The following NCAM1 variants were observed in gnomAD, a reference collection of about 807,000 sequenced individuals.
NCAM1 encodes neural cell adhesion molecule 1.
Under a neutral mutation model 109.8 loss-of-function variants are expected in NCAM1, and 14 were observed. The observed-to-expected ratio is 0.13, with a 90% confidence interval of 0.08 to 0.20. NCAM1 has a LOEUF of 0.20. NCAM1 is among the 10% of genes least tolerant of loss of function. The pLI is 1.00. For synonymous variants in NCAM1, 418 were observed against 442.9 expected (o/e 0.94, Z 0.70); for missense variants, 774 against 1,109.9 (o/e 0.70, Z 4.30).
chr11:113,249,796 G>T (rs760046080), intron 15 of NCAM1, among the ~76,000 whole-genome samples: 13 of 152,158 alleles, frequency 8.5e-5, no homozygotes, highest in Non-Finnish European at 1.6e-4. Flanking sequence ...TATTTTTGTG[G>T]TTCAGTCTGT....
At chr11:113,043,547 G>A (rs1953152249) in intron 1 of NCAM1, among the ~76,000 whole-genome samples, 1 of 152,150 alleles carries the variant, frequency 6.6e-6, no homozygotes, top group Non-Finnish European at 1.5e-5. Context: ...ATGTTGGCCA[G>A]GCTGGTCTCG....
intron 17 of NCAM1, chr11:113,263,442 A>C (rs781828155): frequency 1.6e-4 from 157 of 986,158 alleles, no homozygotes; most frequent in Non-Finnish European, 1.9e-4. Context: ...GCCAGACCGC[A>C]CTGATTCACA....
At chr11:113,130,673 GT>G (rs1941352062) in intron 1 of NCAM1, 1 of 152,126 alleles carries the variant, frequency 6.6e-6, no homozygotes, top group South Asian at 2.1e-4. Context: ...TCTGTTAGTA[GT>G]TTGTAAGCAA....
At chr11:112,984,891 G>A (rs996458432) in intron 1 of NCAM1, among the ~76,000 whole-genome samples, 3 of 151,650 alleles carry the variant, frequency 2.0e-5, no homozygotes, top group Admixed American at 6.6e-5. Flanking sequence ...GTGCAGGAAC[G>A]TTTTAGTTTG....
chr11:113,186,792 C>T (rs1943521388), intron 1 of NCAM1, among the ~76,000 whole-genome samples: 1 of 152,210 alleles, frequency 6.6e-6, no homozygotes, highest in African/African-American at 2.4e-5. Context: ...TAGCAATAGC[C>T]TCTGAGTTCA....
At chr11:113,049,629 T>G (rs547364780) in intron 1 of NCAM1, among the ~76,000 whole-genome samples, 21 of 152,318 alleles carry the variant, frequency 1.4e-4, no homozygotes, top group Non-Finnish European at 2.6e-4. Flanking sequence ...TAGTTTCAGC[T>G]TGAGTTTCCT....
chr11:113,050,554 C>T (rs1220168956), intron 1 of NCAM1, among the ~76,000 whole-genome samples: 1 of 151,932 alleles, frequency 6.6e-6, no homozygotes, highest in Non-Finnish European at 1.5e-5. Context: ...ATTTTTATAC[C>T]AGTACCATGC....
intron 9 of NCAM1, among the ~76,000 whole-genome samples, chr11:113,223,210 C>T (rs1412743102): frequency 6.6e-6 from 1 of 152,148 alleles, no homozygotes; most frequent in African/African-American, 2.4e-5. Flanking sequence ...TGGTAGGTGG[C>T]ACACCCTGAA....
chr11:113,148,262 C>T (rs1203730960), intron 1 of NCAM1, among the ~76,000 whole-genome samples: 2 of 152,042 alleles, frequency 1.3e-5, no homozygotes, highest in South Asian at 2.1e-4. Context: ...TTAGGATGCT[C>T]ATGTCGCCAT....
chr11:113,014,197 T>TA (rs1348225924), intron 1 of NCAM1, among the ~76,000 whole-genome samples: 1 of 152,202 alleles, frequency 6.6e-6, no homozygotes, highest in Non-Finnish European at 1.5e-5. Context: ...TTTTAGAATA[T>TA]AAAATGCAAT....
intron 1 of NCAM1, among the ~76,000 whole-genome samples, 174 bp downstream of exon 1, chr11:112,961,838 C>T (rs1950572091): frequency 6.6e-6 from 1 of 152,162 alleles, no homozygotes; most frequent in African/African-American, 2.4e-5. Flanking sequence ...ACCCCGCTCC[C>T]TCCAGGGCTG....
At chr11:113,007,885 A>G (rs1951929457) in intron 1 of NCAM1, among the ~76,000 whole-genome samples, 1 of 152,238 alleles carries the variant, frequency 6.6e-6, no homozygotes, top group Non-Finnish European at 1.5e-5. Flanking sequence ...GGTTAGAGAT[A>G]CTGAATGAAC....
In NCAM1 at chr11:113,225,477, G is replaced by T. The variant is rs188800859; in HGVS notation, c.1089+4152G>T. ...CTGATTGGTGTACCTGAAAGTGACG[G>T]GGAGAATGGAACCAAGTTGGAAAAC... On this transcript the variant is annotated intron_variant, in intron 9 of 19. Transcript: ENST00000316851. Among the ~76,000 whole-genome samples the T allele has an allele frequency of 3.5e-3, 527 of 152,306 alleles. 7 individuals are homozygous for T. The highest frequency in any genetic ancestry group is 0.012 in the African/African-American group (505 of 41,584).
At chr11:113,216,929 C>T (rs917454794) in intron 8 of NCAM1, among the ~76,000 whole-genome samples, 1 of 152,176 alleles carries the variant, frequency 6.6e-6, no homozygotes, top group East Asian at 1.9e-4. Flanking sequence ...CTTTGGCAGC[C>T]TCTCCTCATG....
chr11:113,195,658 A>G (rs1943833164), intron 1 of NCAM1, among the ~76,000 whole-genome samples: 1 of 151,504 alleles, frequency 6.6e-6, no homozygotes, highest in Non-Finnish European at 1.5e-5. Flanking sequence ...GCCCACCACC[A>G]CACCCAGCTA....
intron 1 of NCAM1, among the ~76,000 whole-genome samples, chr11:113,016,812 G>T (rs1311037669): frequency 6.6e-6 from 1 of 152,176 alleles, no homozygotes; most frequent in Non-Finnish European, 1.5e-5. Context: ...CAAATTTTAT[G>T]AAGAGCTTAG....
intron 1 of NCAM1, among the ~76,000 whole-genome samples, chr11:112,984,501 A>G (rs2134720499): frequency 6.6e-6 from 1 of 152,016 alleles, no homozygotes; most frequent in Non-Finnish European, 1.5e-5. Context: ...CAGCAGTCTT[A>G]CATGCCCACC....
intron 1 of NCAM1, among the ~76,000 whole-genome samples, chr11:113,154,125 G>A (rs894080503): frequency 5.9e-5 from 9 of 152,222 alleles, no homozygotes; most frequent in African/African-American, 2.2e-4. Context: ...CACAATTGTA[G>A]TATACAGAAT....
intron 1 of NCAM1, among the ~76,000 whole-genome samples, chr11:113,037,324 G>T (rs1555079332): frequency 1.3e-5 from 2 of 152,222 alleles, no homozygotes; most frequent in East Asian, 1.9e-4. Context: ...GGTTGGGTTT[G>T]TGAGCTGTAA....
Sources: allele counts gnomAD v4.1 joint callset (sites outside exome capture counted in the v4.1 genomes callset), GRCh38; gene constraint gnomAD v4.1.1; transcripts MANE v1.5; gene names NCBI Gene and HGNC (gene_info 2026-07-23, HGNC 2026-07-21).